The following EGLN3 variants were observed in gnomAD, a reference collection of about 807,000 sequenced individuals.
EGLN3 encodes egl-9 family hypoxia inducible factor 3.
In EGLN3, 15 loss-of-function variants were observed where a neutral mutation model predicts 26.0. The ratio of observed to expected loss-of-function variants is 0.58; its 90% confidence interval spans 0.39 to 0.89. EGLN3 has a LOEUF of 0.89. EGLN3 is among the 40% of genes least tolerant of loss of function. EGLN3 has a pLI of 0.00. For synonymous variants in EGLN3, 147 were observed against 127.2 expected (o/e 1.16, Z -1.05); for missense variants, 238 against 311.6 (o/e 0.76, Z 1.78).
At chr14:33,933,974 C>T (rs1056074564) in intron 1 of EGLN3, among the ~76,000 whole-genome samples, 3 of 152,142 alleles carry the variant, frequency 2.0e-5, no homozygotes, top group Admixed American at 1.3e-4. Context: ...CAAGAGGATG[C>T]CTACTTTAGT....
chr14:33,929,099 T>A lies in EGLN3; in HGVS notation c.591A>T (p.Glu197Asp). Residue 197 changes from glutamate to aspartate, a missense_variant, in exon 3 of 5, where the codon GAA (glutamate) becomes GAT (aspartate). Coordinates refer to ENST00000250457, the MANE Select transcript of EGLN3 (RefSeq NM_022073.4). The stretch of plus-strand genomic sequence containing the variant: ...ACCTGGTTGCGTAAGAGGGCTGCAC[T>A]TCGTGTGGGTTCCTACGATCTGACC... ...FFWSDRRNPH[E>D]VQPSYATRYA... is the part of the protein sequence containing the mutation. 1 of 1,614,096 alleles carries A rather than the reference T, an allele frequency of 6.2e-7. No individual in the cohort carries two copies. Among genetic ancestry groups the A allele is most frequent in the Non-Finnish European group, 8.5e-7 (1 of 1,180,014 alleles).
chr14:33,950,604 A>T lies in EGLN3; in HGVS notation c.149T>A (p.Leu50Gln). The part of the protein sequence containing the change: ...GDCVLERVKQ[L>Q]HCTGALRDGQ... ...GTCCCGCAGGGCCCCGGTGCAGTGC[A>T]GCTGCTTGACGCGCTCCAGGACGCA... The change falls in exon 1 of 5, where the codon CTG (leucine) becomes CAG (glutamine). Residue 50 changes from leucine to glutamine, a missense_variant. By Grantham distance (113) the Leu-to-Gln change is moderately radical (BLOSUM62 -2). Transcript: ENST00000250457. 1 of 1,613,626 alleles carries T rather than the reference A, an allele frequency of 6.2e-7. No homozygotes were observed. Among genetic ancestry groups the T allele is most frequent in the South Asian group, 1.1e-5 (1 of 91,080 alleles).
Position 33,941,601 on chromosome 14 carries a change from C to A in EGLN3, c.357+8795G>T, listed in dbSNP as rs140752088. Among the ~76,000 whole-genome samples the A allele has an allele frequency of 6.7e-3, 1,007 of 151,334 alleles. 9 individuals carry two copies. Among genetic ancestry groups the A allele is most frequent in the African/African-American group, 0.023 (948 of 41,202 alleles). On this transcript the variant is annotated intron_variant, in intron 1 of 4. Coordinates refer to ENST00000250457, the MANE Select transcript of EGLN3 (RefSeq NM_022073.4). Reference sequence around the variant, plus strand: ...TTTTTTTTAACATTCAAATATCCATCAAAATCAAAGTTCCTTTTGAAGATG... The same window carrying A: ...TTTTTTTTAACATTCAAATATCCATAAAAATCAAAGTTCCTTTTGAAGATG...
intron 4 of EGLN3, 53 bp downstream of exon 4, chr14:33,926,907 A>G: frequency 7.4e-7 from 1 of 1,359,014 alleles, no homozygotes; most frequent in African/African-American, 1.5e-5. Flanking sequence ...AAAATTGAAT[A>G]AAAGTCAAGG....
At chr14:33,926,876 A>G in intron 4 of EGLN3, 84 bp downstream of exon 4, 1 of 995,096 alleles carries the variant, frequency 1.0e-6, no homozygotes, top group Non-Finnish European at 1.5e-6. Flanking sequence ...CAGATTGAAC[A>G]GAACATGTTT....
chr14:33,937,623 C>A (rs2064451805), intron 1 of EGLN3, among the ~76,000 whole-genome samples: 1 of 152,142 alleles, frequency 6.6e-6, no homozygotes, highest in Non-Finnish European at 1.5e-5. Context: ...CAATAAACCC[C>A]AAATTATTCA....
chr14:33,939,018 A>G (rs1339463501), intron 1 of EGLN3, among the ~76,000 whole-genome samples: 1 of 152,222 alleles, frequency 6.6e-6, no homozygotes, highest in African/African-American at 2.4e-5. Flanking sequence ...TAACAGAGAC[A>G]AGGAATACTT....
At chr14:33,939,120 T>C (rs1475184961) in intron 1 of EGLN3, among the ~76,000 whole-genome samples, 5 of 152,082 alleles carry the variant, frequency 3.3e-5, no homozygotes, top group Non-Finnish European at 7.4e-5. Context: ...TCAAAATAAT[T>C]GGTAAGACAA....
chr14:33,950,056 G>T, intron 1 of EGLN3: 1 of 575,044 alleles, frequency 1.7e-6, no homozygotes, highest in Non-Finnish European at 3.1e-6. Flanking sequence ...ATGATACACA[G>T]TGTTTCCAAT....
intron 1 of EGLN3, among the ~76,000 whole-genome samples, chr14:33,944,323 T>C (rs1158016243): frequency 2.0e-5 from 3 of 152,120 alleles, no homozygotes; most frequent in African/African-American, 7.2e-5. Flanking sequence ...GGTTTCACCA[T>C]GTTGGCCAGG....
chr14:33,924,959 AAAAACAG>A lies in EGLN3; in HGVS notation c.*925_*931del, dbSNP rs1291583755. ...GGAAAACTAAAAAAAAAAAAAAAAA[AAAAACAG>A]GAACACCCACATTTCCAACTCCACC... On this transcript the variant is annotated 3_prime_UTR_variant, in exon 5 of 5. Transcript: ENST00000250457. 6.6e-6 allele frequency: 1 copy of A among 151,224 alleles called. No individual in the cohort carries two copies. Among genetic ancestry groups the A allele is most frequent in the Non-Finnish European group, 1.5e-5 (1 of 67,718 alleles). 9.4% of individuals were successfully genotyped at this position (151,224 alleles called of 1,614,324 possible). A position where few individuals can be genotyped will look rare whatever the true frequency, so the allele number is the denominator to read the frequency against.
chr14:33,934,050 C>T (rs1339212913), intron 1 of EGLN3, among the ~76,000 whole-genome samples: 2 of 152,222 alleles, frequency 1.3e-5, no homozygotes, highest in East Asian at 3.8e-4. Flanking sequence ...AAGTTTAACA[C>T]AGTAGTGTCA....
chr14:33,935,608 CACACACACACACAT>C (rs1288609172), intron 1 of EGLN3, among the ~76,000 whole-genome samples: 1 of 139,110 alleles, frequency 7.2e-6, no homozygotes, highest in Non-Finnish European at 1.6e-5. Context: ...CACACACACA[CACACACACACACAT>C]ATATATATAT....
At chr14:33,949,074 A>G (rs559103725) in intron 1 of EGLN3, 4 of 152,240 alleles carry the variant, frequency 2.6e-5, no homozygotes, top group Non-Finnish European at 5.9e-5. Context: ...CCAAAGTAAA[A>G]TTTAGAAAGC....
At chr14:33,935,686 A>T (rs1433270954) in intron 1 of EGLN3, among the ~76,000 whole-genome samples, 2 of 152,040 alleles carry the variant, frequency 1.3e-5, no homozygotes, top group Non-Finnish European at 2.9e-5. Flanking sequence ...GACTTCCAAG[A>T]AGTAAAGCTA....
intron 1 of EGLN3, among the ~76,000 whole-genome samples, chr14:33,932,330 C>A (rs1232552780): frequency 6.6e-6 from 1 of 152,084 alleles, no homozygotes; most frequent in East Asian, 1.9e-4. Context: ...AGATCAATAG[C>A]TATTTCTGTC....
At chr14:33,935,849 C>T (rs187179132) in intron 1 of EGLN3, among the ~76,000 whole-genome samples, 1 of 152,074 alleles carries the variant, frequency 6.6e-6, no homozygotes, top group Non-Finnish European at 1.5e-5. Context: ...CCATGTCCAC[C>T]CAGTACAGAG....
intron 4 of EGLN3, among the ~76,000 whole-genome samples, chr14:33,926,431 T>C (rs981657346): frequency 9.2e-5 from 14 of 152,208 alleles, no homozygotes; most frequent in African/African-American, 3.4e-4. Context: ...TCCCACATTT[T>C]TGGGACCAGG....
intron 1 of EGLN3, among the ~76,000 whole-genome samples, chr14:33,942,254 C>T (rs1028211590): frequency 6.6e-6 from 1 of 151,464 alleles, no homozygotes; most frequent in African/African-American, 2.4e-5. Context: ...AGAAAGGGCC[C>T]CTCAAGGATT....
Sources: gnomAD v4.1 joint callset for allele counts (sites outside exome capture counted in the v4.1 genomes callset) on GRCh38, gnomAD v4.1.1 for gene constraint, MANE v1.5 for transcripts, NCBI Gene and HGNC (gene_info 2026-07-23, HGNC 2026-07-21) for gene names.